RBMS3: variants seen among roughly 807,000 people sequenced by gnomAD.
The protein encoded by RBMS3 is RNA binding motif single stranded interacting protein 3, also known as RNA-binding motif, single-stranded-interacting protein 3.
RBMS3 carries 27 observed loss-of-function variants against 66.8 expected under a neutral mutation model. The observed-to-expected ratio is 0.40, with a 90% CI of 0.30 to 0.56. RBMS3 has a LOEUF of 0.56. Ranked by LOEUF, RBMS3 falls within the 20% of genes least tolerant of loss-of-function variation. The probability of loss-of-function intolerance (pLI) is 0.40; values close to 1 mark genes in which losing one functional copy is unlikely to be tolerated. For missense variants in RBMS3, 513 were observed against 549.5 expected (o/e 0.93, Z 0.66); for synonymous variants, 188 against 183.0 (o/e 1.03, Z -0.22).
intron 3 of RBMS3, among the ~76,000 whole-genome samples, chr3:29,507,514 C>T (rs995418931): frequency 6.6e-6 from 1 of 151,942 alleles, no homozygotes; most frequent in Non-Finnish European, 1.5e-5. Context: ...AAAGACAAAT[C>T]TATGTATGCT....
At chr3:29,590,766 G>A (rs1322213089) in intron 4 of RBMS3, among the ~76,000 whole-genome samples, 1 of 152,044 alleles carries the variant, frequency 6.6e-6, no homozygotes, top group Non-Finnish European at 1.5e-5. Context: ...TTAACTTGCA[G>A]ATATTTATTT....
chr3:29,677,541 G>A (rs1196013203), intron 4 of RBMS3, among the ~76,000 whole-genome samples: 2 of 152,098 alleles, frequency 1.3e-5, no homozygotes, highest in East Asian at 3.9e-4. Flanking sequence ...TTGAAAGCCT[G>A]TGCACTTTAT....
chr3:29,482,825 A>T (rs2043185934), intron 2 of RBMS3, among the ~76,000 whole-genome samples: 2 of 144,876 alleles, frequency 1.4e-5, no homozygotes, highest in Non-Finnish European at 3.0e-5. Flanking sequence ...CTCCTGCCTC[A>T]GCCTCCTGAA....
intron 6 of RBMS3, among the ~76,000 whole-genome samples, chr3:29,854,503 G>T (rs1018682903): frequency 1.3e-5 from 2 of 152,114 alleles, no homozygotes; most frequent in African/African-American, 2.4e-5. Flanking sequence ...TCTCTACTCC[G>T]CTAAAGGTCT....
At chr3:29,447,497 T>C (rs1041148327) in intron 2 of RBMS3, among the ~76,000 whole-genome samples, 2 of 152,210 alleles carry the variant, frequency 1.3e-5, no homozygotes, top group Non-Finnish European at 2.9e-5. Context: ...GCTGTGTCTC[T>C]TTAGACAAGT....
At chr3:29,764,362 C>G (rs190419077) in intron 6 of RBMS3, among the ~76,000 whole-genome samples, 46 of 149,490 alleles carry the variant, frequency 3.1e-4, no homozygotes, top group African/African-American at 1.1e-3. Context: ...GTTAGCTGCC[C>G]TTGCATTTTA....
chr3:29,543,649 G>T (rs1221644504), intron 3 of RBMS3, among the ~76,000 whole-genome samples: 1 of 152,182 alleles, frequency 6.6e-6, no homozygotes, highest in Non-Finnish European at 1.5e-5. Context: ...GGTGGTGGTT[G>T]CAGTGAACTG....
chr3:29,969,501 C>G (rs1334143452), intron 12 of RBMS3, among the ~76,000 whole-genome samples: 2 of 152,184 alleles, frequency 1.3e-5, no homozygotes, highest in African/African-American at 4.8e-5. Flanking sequence ...TCACATCTGA[C>G]AAATCTATGT....
intron 2 of RBMS3, among the ~76,000 whole-genome samples, chr3:29,482,068 C>G (rs2043146238): frequency 6.6e-6 from 1 of 152,104 alleles, no homozygotes. Flanking sequence ...TTAATTGATT[C>G]TAAACCTCAT....
chr3:29,520,106 T>C (rs1394530031), intron 3 of RBMS3, among the ~76,000 whole-genome samples: 1 of 152,186 alleles, frequency 6.6e-6, no homozygotes, highest in Non-Finnish European at 1.5e-5. Context: ...ATTAAGAAGG[T>C]CCATTCATTC....
chr3:29,360,172 T>TGC (rs2037486294), intron 1 of RBMS3, among the ~76,000 whole-genome samples: 8 of 151,014 alleles, frequency 5.3e-5, no homozygotes, highest in African/African-American at 2.0e-4. Context: ...CTGCTTTCTC[T>TGC]TGTGGGCATT....
chr3:29,421,046 G>C (rs936016642), intron 1 of RBMS3, among the ~76,000 whole-genome samples: 2 of 151,940 alleles, frequency 1.3e-5, no homozygotes, highest in Non-Finnish European at 2.9e-5. Context: ...CTGGAAGGCG[G>C]AGCTTGCAGT....
intron 4 of RBMS3, among the ~76,000 whole-genome samples, chr3:29,629,434 T>C (rs1451043584): frequency 1.3e-5 from 2 of 152,142 alleles, no homozygotes; most frequent in East Asian, 3.9e-4. Flanking sequence ...TATTCTCTTT[T>C]TAAAACAAGA....
intron 4 of RBMS3, among the ~76,000 whole-genome samples, chr3:29,679,661 T>G (rs2051403745): frequency 6.6e-6 from 1 of 152,010 alleles, no homozygotes; most frequent in African/African-American, 2.4e-5. Flanking sequence ...CCTACTCCTT[T>G]GGAATTTTAG....
chr3:29,780,896 T>C (rs922736955), intron 6 of RBMS3, among the ~76,000 whole-genome samples: 1 of 151,988 alleles, frequency 6.6e-6, no homozygotes, highest in Non-Finnish European at 1.5e-5. Flanking sequence ...ATTTTGTCAC[T>C]TTTTTTCCAA....
At chr3:29,512,740 G>T (rs1351391942) in intron 3 of RBMS3, among the ~76,000 whole-genome samples, 1 of 152,176 alleles carries the variant, frequency 6.6e-6, no homozygotes, top group East Asian at 1.9e-4. Flanking sequence ...CTGGGACAAA[G>T]GCTGTCTAAT....
chr3:29,283,469 G>A (rs1007243874), intron 1 of RBMS3, among the ~76,000 whole-genome samples: 27 of 152,076 alleles, frequency 1.8e-4, no homozygotes, highest in African/African-American at 6.3e-4. Context: ...AAGTGTGTGC[G>A]AGAGAGAGAA....
intron 4 of RBMS3, among the ~76,000 whole-genome samples, chr3:29,697,576 G>A (rs779667601): frequency 5.3e-5 from 8 of 152,156 alleles, no homozygotes; most frequent in Non-Finnish European, 7.4e-5. Flanking sequence ...TGTCCAAAAT[G>A]CCTGGGACCA....
chr3:29,582,149 T>TATAGATAGATAGATAG (rs3836342), intron 3 of RBMS3, among the ~76,000 whole-genome samples: 269 of 144,768 alleles, frequency 1.9e-3, no homozygotes, highest in East Asian at 2.4e-3. Flanking sequence ...AGAATTCCAT[T>TATAGATAGATAGATAG]ATAGATAGAT....
Sources: gnomAD v4.1 joint callset for allele counts (sites outside exome capture counted in the v4.1 genomes callset) on GRCh38, gnomAD v4.1.1 for gene constraint, MANE v1.5 for transcripts, NCBI Gene and HGNC (gene_info 2026-07-23, HGNC 2026-07-21) for gene names.